Variants in RELN observed in about 807,000 individuals in gnomAD.
RELN encodes the protein reelin.
In RELN, 108 loss-of-function variants were observed where a neutral mutation model predicts 427.6. That is an observed-to-expected ratio of 0.25 (90% CI 0.22 to 0.30). The LOEUF (loss-of-function observed/expected upper bound fraction) is 0.30. RELN is among the 10% of genes least tolerant of loss of function. The pLI, the probability that RELN is intolerant of heterozygous loss-of-function variation, is 1.00. For synonymous variants in RELN, 1,524 were observed against 1,513.4 expected, an observed-to-expected ratio of 1.01 and a Z score of -0.16; for missense variants, 3,715 against 4,302.8, an observed-to-expected ratio of 0.86 and a Z score of 3.82.
In RELN at chr7:103,520,957, ATTTTTTTTTTT is replaced by A. The variant is rs55830035; in HGVS notation, c.7668+1054_7668+1064del. Among the ~76,000 whole-genome samples the A allele has an allele frequency of 6.9e-4, 55 of 79,204 alleles. 1 individual carries two copies. Among genetic ancestry groups the A allele is most frequent in the African/African-American group, 2.0e-3 (41 of 20,604 alleles). 52.0% of individuals were successfully genotyped at this position (79,204 alleles called of 152,430 possible). The stretch of plus-strand genomic sequence containing the variant: ...ATAAAGAGCTGGCAGTAAATTTGTT[ATTTTTTTTTTT>A]TTTTTTTTTTTTTTTTTTTGAGACG... On this transcript the variant is annotated intron_variant, in intron 48 of 64. Coordinates refer to ENST00000428762, the MANE Select transcript of RELN (RefSeq NM_005045.4).
chr7:103,619,678 G>A (rs1345699099), intron 20 of RELN, among the ~76,000 whole-genome samples: 2 of 152,304 alleles, frequency 1.3e-5, no homozygotes, highest in African/African-American at 4.8e-5. Context: ...ACCTCTGCTA[G>A]GTGCCTGCTG....
At chr7:103,784,795 T>C (rs1246545934) in intron 3 of RELN, among the ~76,000 whole-genome samples, 2 of 152,190 alleles carry the variant, frequency 1.3e-5, no homozygotes, top group Non-Finnish European at 1.5e-5. Flanking sequence ...TATGTCTTCT[T>C]TGTTATGTTA....
intron 3 of RELN, among the ~76,000 whole-genome samples, chr7:103,832,402 T>C (rs1793295288): frequency 6.6e-6 from 1 of 151,694 alleles, no homozygotes; most frequent in Non-Finnish European, 1.5e-5. Context: ...GACAAATCAG[T>C]GAAGAAAAAA....
intron 4 of RELN, among the ~76,000 whole-genome samples, chr7:103,770,896 A>T (rs1791551508): frequency 6.7e-6 from 1 of 149,386 alleles, no homozygotes; most frequent in African/African-American, 2.5e-5. Context: ...ATTTTCAGCC[A>T]AATTGCCAAT....
intron 1 of RELN, among the ~76,000 whole-genome samples, chr7:103,962,936 A>G (rs1181177447): frequency 6.6e-6 from 1 of 152,148 alleles, no homozygotes; most frequent in Non-Finnish European, 1.5e-5. Context: ...TACACTGTCT[A>G]AGGACATGGT....
At chr7:103,508,603 CCTCTCTTAGCTCT>C (rs147916525) in intron 51 of RELN, among the ~76,000 whole-genome samples, 23,277 of 152,094 alleles carry the variant, frequency 0.15, 1,932 homozygotes, top group East Asian at 0.29. Context: ...ACAAGGATGC[CCTCTCTTAGCTCT>C]CTCTCTTATT....
intron 20 of RELN, 70 bp from the exon 21 acceptor site, chr7:103,611,873 C>A: frequency 1.7e-6 from 2 of 1,204,400 alleles, no homozygotes; most frequent in Non-Finnish European, 2.5e-6. Context: ...AAAGTCTTCA[C>A]TTCACACTAT....
At chr7:103,918,152 A>T (rs1029219737) in intron 1 of RELN, among the ~76,000 whole-genome samples, 1 of 152,162 alleles carries the variant, frequency 6.6e-6, no homozygotes, top group Non-Finnish European at 1.5e-5. Context: ...TGAAACATCC[A>T]TATTACAAAG....
chr7:103,925,409 T>G (rs1013245189), intron 1 of RELN, among the ~76,000 whole-genome samples: 5 of 152,182 alleles, frequency 3.3e-5, no homozygotes, highest in Non-Finnish European at 5.9e-5. Flanking sequence ...CAAAATTTTT[T>G]TCTTTATAAA....
chr7:103,751,488 G>T (rs1304886343), intron 5 of RELN, among the ~76,000 whole-genome samples: 2 of 152,244 alleles, frequency 1.3e-5, no homozygotes, highest in Non-Finnish European at 2.9e-5. Context: ...GCTCAGACGC[G>T]AAGCCTCAGG....
In RELN at chr7:103,854,859, C is replaced by A. The variant is rs1050659382; in HGVS notation, c.338-21187G>T. On this transcript the variant is annotated intron_variant, in intron 2 of 64. Transcript: ENST00000428762. ...TTTCTGCCAAAAAGGGCTAAAGATG[C>A]CCTGAGGGCTGAAGACAATGAAAGA... is the stretch of plus-strand genomic sequence containing the variant. Among the ~76,000 whole-genome samples, 3 of 152,082 alleles carry A rather than the reference C, an allele frequency of 2.0e-5. No individual in the cohort carries two copies. The East Asian group carries it at 5.8e-4, about 29-fold the overall frequency.
At chr7:103,943,691 A>T (rs1225706454) in intron 1 of RELN, among the ~76,000 whole-genome samples, 3 of 151,780 alleles carry the variant, frequency 2.0e-5, no homozygotes, top group Non-Finnish European at 2.9e-5. Flanking sequence ...TCTCTACTAA[A>T]GATACAAAAA....
intron 2 of RELN, among the ~76,000 whole-genome samples, chr7:103,877,449 A>C (rs1457172396): frequency 6.6e-6 from 1 of 152,086 alleles, no homozygotes; most frequent in African/African-American, 2.4e-5. Context: ...CAGCTTCCAA[A>C]ATTGTAGATT....
At chr7:103,821,528 G>A (rs1330063187) in intron 3 of RELN, among the ~76,000 whole-genome samples, 1 of 152,120 alleles carries the variant, frequency 6.6e-6, no homozygotes, top group African/African-American at 2.4e-5. Context: ...GTGCTGAGAT[G>A]AGCCAGGCGG....
intron 46 of RELN, among the ~76,000 whole-genome samples, chr7:103,534,775 TAG>T (rs1340392533): frequency 6.6e-6 from 1 of 152,186 alleles, no homozygotes; most frequent in African/African-American, 2.4e-5. Flanking sequence ...TCCCTTTCCA[TAG>T]AGACAAGAAT....
At chr7:103,578,427 T>G (rs1831052238) in intron 28 of RELN, among the ~76,000 whole-genome samples, 1 of 152,212 alleles carries the variant, frequency 6.6e-6, no homozygotes, top group Non-Finnish European at 1.5e-5. Flanking sequence ...GAAGACTGTA[T>G]TTCAGAGTGA....
intron 2 of RELN, among the ~76,000 whole-genome samples, chr7:103,843,742 G>A (rs957838686): frequency 1.3e-5 from 2 of 152,100 alleles, no homozygotes; most frequent in African/African-American, 4.8e-5. Context: ...TCTCCCAAGG[G>A]GCAAAGCCAT....
intron 57 of RELN, among the ~76,000 whole-genome samples, chr7:103,494,393 G>GTGTGTGTGTGTGTGT (rs60783765): frequency 9.3e-5 from 14 of 150,858 alleles, no homozygotes; most frequent in South Asian, 2.1e-4. Flanking sequence ...GTGTGTGTGT[G>GTGTGTGTGTGTGTGT]GGATATGGTC....
chr7:103,593,295 A>G (rs1305443123), intron 27 of RELN, among the ~76,000 whole-genome samples: 1 of 152,244 alleles, frequency 6.6e-6, no homozygotes, highest in Admixed American at 6.5e-5. Context: ...AAAATAATAC[A>G]GCAAAAGCAT....
Sources: allele counts gnomAD v4.1 joint callset (sites outside exome capture counted in the v4.1 genomes callset), GRCh38; gene constraint gnomAD v4.1.1; transcripts MANE v1.5; gene names NCBI Gene and HGNC (gene_info 2026-07-23, HGNC 2026-07-21).